Variants in ATOSA observed in about 807,000 individuals in gnomAD.
The protein encoded by ATOSA is atos homolog A, also known as atos homolog protein A.
At chr15:52,654,883 G>T in the ATOSA span, among the ~76,000 whole-genome samples, 405 of 151,944 alleles carry the variant, frequency 2.7e-3, no homozygotes, top group African/African-American at 9.4e-3. Flanking sequence ...ACCCCTCAAA[G>T]GTAATGTTCA....
the ATOSA span, among the ~76,000 whole-genome samples, chr15:52,671,944 C>G: frequency 3.3e-5 from 5 of 151,612 alleles, no homozygotes; most frequent in Non-Finnish European, 7.4e-5. Flanking sequence ...AAGCTCAACT[C>G]AAATTATTGC....
the ATOSA span, among the ~76,000 whole-genome samples, chr15:52,604,897 G>A: frequency 6.6e-6 from 1 of 152,040 alleles, no homozygotes; most frequent in Non-Finnish European, 1.5e-5. Flanking sequence ...GTTACAATTT[G>A]AGGCAAAAGA....
At chr15:52,608,756 G>A in the ATOSA span, 1 of 1,608,674 alleles carries the variant, frequency 6.2e-7, no homozygotes, top group Non-Finnish European at 8.5e-7. Flanking sequence ...ATGCTATTAA[G>A]TTGAGTATTT....
the ATOSA span, among the ~76,000 whole-genome samples, chr15:52,659,519 C>A: frequency 6.6e-6 from 1 of 152,072 alleles, no homozygotes; most frequent in Non-Finnish European, 1.5e-5. Context: ...AAAACAAAAT[C>A]CAAGTGTTTT....
the ATOSA span, among the ~76,000 whole-genome samples, chr15:52,594,552 C>A: frequency 1.3e-5 from 2 of 152,130 alleles, no homozygotes; most frequent in Non-Finnish European, 2.9e-5. Flanking sequence ...TTTGTGTAGT[C>A]TAAATGTGAA....
the ATOSA span, among the ~76,000 whole-genome samples, chr15:52,620,371 C>T: frequency 6.6e-6 from 1 of 152,104 alleles, no homozygotes; most frequent in Admixed American, 6.6e-5. Flanking sequence ...AGACCAGAAC[C>T]ACTAACTCCT....
At chr15:52,624,312 A>G in the ATOSA span, among the ~76,000 whole-genome samples, 16 of 152,132 alleles carry the variant, frequency 1.1e-4, no homozygotes, top group Non-Finnish European at 2.4e-4. Flanking sequence ...TGGACTGCCA[A>G]TCTTTTCCAT....
At chr15:52,593,557 T>A in the ATOSA span, 1 of 1,538,234 alleles carries the variant, frequency 6.5e-7, no homozygotes. Context: ...CAGGAAAACA[T>A]ACAATATAAA....
the ATOSA span, among the ~76,000 whole-genome samples, chr15:52,688,290 T>C: frequency 6.6e-6 from 1 of 152,118 alleles, no homozygotes; most frequent in African/African-American, 2.4e-5. Context: ...AAGATGGAGA[T>C]GGGAAGAGAA....
the ATOSA span, among the ~76,000 whole-genome samples, chr15:52,616,828 C>T: frequency 6.6e-6 from 1 of 152,286 alleles, no homozygotes; most frequent in South Asian, 2.1e-4. Flanking sequence ...ATGAGAGAAA[C>T]AAGAGACTTT....
the ATOSA span, among the ~76,000 whole-genome samples, chr15:52,585,709 A>C: frequency 6.6e-6 from 1 of 152,184 alleles, no homozygotes; most frequent in Non-Finnish European, 1.5e-5. Context: ...TTGGTTATGA[A>C]TAATTGAAGG....
the ATOSA span, among the ~76,000 whole-genome samples, chr15:52,691,757 C>T: frequency 1.6e-4 from 25 of 152,132 alleles, no homozygotes; most frequent in African/African-American, 5.8e-4. Context: ...ATCACTTGAG[C>T]CCGGGGGGTC....
chr15:52,611,874 G>A, the ATOSA span: 2 of 1,113,548 alleles, frequency 1.8e-6, no homozygotes, highest in Non-Finnish European at 1.3e-6. Flanking sequence ...ATCTGTGTGA[G>A]AAATGAGTCA....
the ATOSA span, among the ~76,000 whole-genome samples, chr15:52,683,266 G>A: frequency 6.6e-6 from 1 of 152,144 alleles, no homozygotes; most frequent in Non-Finnish European, 1.5e-5. Flanking sequence ...GGAAATTGAG[G>A]CTCAGAGAAA....
the ATOSA span, chr15:52,657,751 G>C: frequency 6.6e-6 from 1 of 151,988 alleles, no homozygotes. Flanking sequence ...ACACAGAGAA[G>C]GTAACAAAAT....
chr15:52,683,739 G>A, the ATOSA span, among the ~76,000 whole-genome samples: 1 of 152,188 alleles, frequency 6.6e-6, no homozygotes. Flanking sequence ...GCAGAGTCAG[G>A]ATTCACACCT....
the ATOSA span, among the ~76,000 whole-genome samples, chr15:52,597,043 G>A: frequency 6.6e-6 from 1 of 152,182 alleles, no homozygotes; most frequent in Non-Finnish European, 1.5e-5. Context: ...CAATGGCAAG[G>A]ATGTGGAAGA....
chr15:52,617,246 T>A, the ATOSA span, among the ~76,000 whole-genome samples: 1 of 151,822 alleles, frequency 6.6e-6, no homozygotes, highest in Non-Finnish European at 1.5e-5. Context: ...TTCCCCCACC[T>A]CCCCCAGGCC....
At chr15:52,653,372 T>C in the ATOSA span, among the ~76,000 whole-genome samples, 1 of 152,164 alleles carries the variant, frequency 6.6e-6, no homozygotes, top group African/African-American at 2.4e-5. Flanking sequence ...AGTTCTATAG[T>C]ACAGAAGAAA....
Sources: allele counts gnomAD v4.1 joint callset (sites outside exome capture counted in the v4.1 genomes callset), GRCh38; gene constraint gnomAD v4.1.1; transcripts MANE v1.5; gene names NCBI Gene and HGNC (gene_info 2026-07-23, HGNC 2026-07-21).